Variants in CTNNA2 observed in about 807,000 individuals in gnomAD.
CTNNA2 encodes catenin alpha-2.
In CTNNA2, 42 loss-of-function variants were observed where a neutral mutation model predicts 101.0. The ratio of observed to expected loss-of-function variants is 0.42; its 90% CI spans 0.32 to 0.54. The LOEUF (loss-of-function observed/expected upper bound fraction) is 0.54, where lower values mean the gene tolerates loss of function less well. CTNNA2 is among the 20% of genes least tolerant of loss of function. The pLI is 0.14. For synonymous variants in CTNNA2, 450 were observed against 456.4 expected, an observed-to-expected ratio of 0.99 and a Z score of 0.18; for missense variants, 871 against 1,223.1, an observed-to-expected ratio of 0.71 and a Z score of 4.29.
intron 7 of CTNNA2, among the ~76,000 whole-genome samples, chr2:80,239,188 T>A (rs893352647): frequency 6.6e-6 from 1 of 152,190 alleles, no homozygotes; most frequent in African/African-American, 2.4e-5. Context: ...CTAGATAAAG[T>A]TCTTCCATGA....
chr2:79,303,505 C>G (rs184069546), intron 2 of CTNNA2, among the ~76,000 whole-genome samples: 3 of 152,204 alleles, frequency 2.0e-5, no homozygotes, highest in Admixed American at 2.0e-4. Context: ...CTTCTTAATC[C>G]TGGTGGACAA....
chr2:79,321,435 T>A (rs796508835), intron 3 of CTNNA2, among the ~76,000 whole-genome samples: 39 of 152,306 alleles, frequency 2.6e-4, no homozygotes, highest in African/African-American at 9.4e-4. Context: ...ATTGGTTCTA[T>A]AGCAGCTGAG....
chr2:79,596,698 CTACAAAGCCACACATT>C (rs1307764873), intron 1 of CTNNA2, among the ~76,000 whole-genome samples: 1 of 152,180 alleles, frequency 6.6e-6, no homozygotes, highest in South Asian at 2.1e-4. Flanking sequence ...AGTAATGATG[CTACAAAGCCACACATT>C]TTTCCATTTC....
chr2:79,957,246 T>C (rs1037004118), intron 7 of CTNNA2, among the ~76,000 whole-genome samples: 1 of 152,212 alleles, frequency 6.6e-6, no homozygotes, highest in African/African-American at 2.4e-5. Context: ...TATAGTGCTG[T>C]GCTGGTCATT....
intron 4 of CTNNA2, among the ~76,000 whole-genome samples, chr2:79,414,087 C>T (rs967072191): frequency 6.6e-6 from 1 of 151,290 alleles, no homozygotes; most frequent in Admixed American, 6.6e-5. Context: ...ACTAAATTTT[C>T]ATATATATAA....
At chr2:79,263,374 C>T (rs1674947563) in intron 2 of CTNNA2, among the ~76,000 whole-genome samples, 1 of 152,048 alleles carries the variant, frequency 6.6e-6, no homozygotes, top group Non-Finnish European at 1.5e-5. Context: ...AACATCTTCC[C>T]TCCCCAACTG....
rs1692627770 is a variant in CTNNA2 at position 80,552,279 on chromosome 2, C to A, written c.1541-3414C>A. On this transcript the variant is annotated intron_variant, in intron 11 of 18. Coordinates refer to ENST00000402739, the MANE Select transcript of CTNNA2 (RefSeq NM_001282597.3). The stretch of plus-strand genomic sequence containing the variant: ...CATGCTGTTGGAACAATGGCACCAA[C>A]AGACTTGCTTGACGCAGAGTTGCAA... Among the ~76,000 whole-genome samples, 9 of 152,048 alleles carry A rather than the reference C, an allele frequency of 5.9e-5. No homozygotes were observed. In the South Asian group the frequency reaches 1.9e-3, roughly 32 times the overall value.
At chr2:79,848,152 C>T (rs1212354417) in intron 3 of CTNNA2, among the ~76,000 whole-genome samples, 1 of 152,080 alleles carries the variant, frequency 6.6e-6, no homozygotes, top group African/African-American at 2.4e-5. Context: ...TTATTGGCTG[C>T]TTATATGCTT....
rs201130516 is a variant in CTNNA2, at chr2:79,693,085, A to G, written c.102+41427A>G. ...TATGCTACTTATTAGACATGCCATA[A>G]TTATAAAGATGCAGAAAATTTAGAC... On this transcript the variant is annotated intron_variant, in intron 2 of 18. Transcript: ENST00000402739. Among the ~76,000 whole-genome samples, 8 of 152,142 alleles carry G rather than the reference A, an allele frequency of 5.3e-5. No homozygotes were observed. In the East Asian group the frequency reaches 1.5e-3, roughly 29 times the overall value.
intron 2 of CTNNA2, among the ~76,000 whole-genome samples, chr2:79,239,733 A>G (rs1485316357): frequency 6.6e-6 from 1 of 152,214 alleles, no homozygotes; most frequent in Non-Finnish European, 1.5e-5. Context: ...TGCACAGCAA[A>G]AGAAACTATC....
intron 18 of CTNNA2, among the ~76,000 whole-genome samples, chr2:80,633,801 T>C (rs1269670230): frequency 6.6e-6 from 1 of 152,226 alleles, no homozygotes; most frequent in East Asian, 1.9e-4. Flanking sequence ...CTGTGCCTCT[T>C]AGATGCTGGT....
intron 1 of CTNNA2, among the ~76,000 whole-genome samples, chr2:79,551,603 G>T (rs1583150): frequency 0.69 from 105,541 of 152,022 alleles, 37,103 homozygotes; most frequent in African/African-American, 0.8. Flanking sequence ...GGTGTATTAA[G>T]CCATTCTCAA....
Position 80,232,386 on chromosome 2 carries a change from T to G in CTNNA2, c.1057-160825T>G, listed in dbSNP as rs1709305560. On this transcript the variant is annotated intron_variant, in intron 7 of 18. Coordinates refer to ENST00000402739, the MANE Select transcript of CTNNA2 (RefSeq NM_001282597.3). ...TTTTTTTTTTTTTTTTTTTTTTTTT[T>G]TTGTTAACACTAGTTTTGGCAGCTC... Among the ~76,000 whole-genome samples, 34 of 105,492 alleles carry G rather than the reference T, an allele frequency of 3.2e-4. 2 individuals are homozygous for G. Among genetic ancestry groups the G allele is most frequent in the Non-Finnish European group, 6.0e-4 (28 of 46,486 alleles). 69.2% of individuals were successfully genotyped at this position (105,492 alleles called of 152,430 possible).
At chr2:80,031,374 G>C (rs563971678) in intron 7 of CTNNA2, among the ~76,000 whole-genome samples, 3 of 152,158 alleles carry the variant, frequency 2.0e-5, no homozygotes, top group Non-Finnish European at 4.4e-5. Flanking sequence ...ACAGTTCCAC[G>C]TGGCTGGGGA....
intron 2 of CTNNA2, among the ~76,000 whole-genome samples, chr2:79,293,732 T>A (rs1049770402): frequency 6.6e-6 from 1 of 152,140 alleles, no homozygotes; most frequent in Admixed American, 6.6e-5. Flanking sequence ...AACACATTAG[T>A]GTGGGTGTCT....
intron 7 of CTNNA2, among the ~76,000 whole-genome samples, chr2:80,257,280 T>C (rs1462075996): frequency 6.6e-6 from 1 of 151,910 alleles, no homozygotes; most frequent in African/African-American, 2.4e-5. Context: ...TAGTATATAA[T>C]CATTTAGAGT....
chr2:80,547,893 T>C (rs2149637824), intron 11 of CTNNA2, among the ~76,000 whole-genome samples: 1 of 152,186 alleles, frequency 6.6e-6, no homozygotes, highest in Non-Finnish European at 1.5e-5. Flanking sequence ...GGTTTCTCCG[T>C]GTTGGTCAGG....
chr2:80,153,482 A>G (rs181456994), intron 7 of CTNNA2, among the ~76,000 whole-genome samples: 1 of 152,336 alleles, frequency 6.6e-6, no homozygotes, highest in Non-Finnish European at 1.5e-5. Flanking sequence ...AGATTATGCC[A>G]GGCGTTGGCC....
intron 3 of CTNNA2, among the ~76,000 whole-genome samples, chr2:79,849,667 G>A (rs1377598326): frequency 6.6e-6 from 1 of 152,132 alleles, no homozygotes; most frequent in Non-Finnish European, 1.5e-5. Flanking sequence ...GCAAAACAGA[G>A]GAGAAGCAAA....
Sources: gnomAD v4.1 joint callset for allele counts (sites outside exome capture counted in the v4.1 genomes callset) on GRCh38, gnomAD v4.1.1 for gene constraint, MANE v1.5 for transcripts, NCBI Gene and HGNC (gene_info 2026-07-23, HGNC 2026-07-21) for gene names.